SCAPER: variants seen among roughly 807,000 people sequenced by gnomAD.
SCAPER encodes the protein S-phase cyclin A associated protein in the ER, also known as S phase cyclin A-associated protein in the endoplasmic reticulum.
SCAPER carries 98 observed loss-of-function variants against 182.2 expected under a neutral mutation model. That is an observed-to-expected ratio of 0.54 (90% CI 0.46 to 0.64). The LOEUF is 0.64. Ranked by LOEUF, SCAPER falls within the 30% of genes least tolerant of loss-of-function variation. The pLI, the probability that SCAPER is intolerant of heterozygous loss-of-function variation, is 0.00. For missense variants in SCAPER, 1,432 were observed against 1,690.0 expected (o/e 0.85, Z 2.68); for synonymous variants, 605 against 564.6 (o/e 1.07, Z -1.01).
Position 76,706,289 on chromosome 15 carries a change from C to T in SCAPER, c.2166-305G>A, listed in dbSNP as rs555199097. On this transcript the variant is annotated intron_variant, in intron 17 of 31. Coordinates refer to ENST00000563290, the MANE Select transcript of SCAPER (RefSeq NM_020843.4). ...TTATCTCTATTCCCTTCCAAAAACT[C>T]AATTAAACCATTAAAAGGAATAGAA... is the stretch of plus-strand genomic sequence containing the variant. 1.4e-4 allele frequency among the ~76,000 whole-genome samples: 21 copies of T among 151,998 alleles called. No individual in the cohort carries two copies. In the South Asian group the frequency reaches 4.2e-3, roughly 30 times the overall value.
chr15:76,354,974 T>C lies in SCAPER; in HGVS notation c.3856-834A>G, dbSNP rs746475801. Among the ~76,000 whole-genome samples, 2 of 152,168 alleles carry C rather than the reference T, an allele frequency of 1.3e-5. No homozygotes were observed. Among genetic ancestry groups the C allele is most frequent in the African/African-American group, 2.4e-5 (1 of 41,434 alleles). Reference sequence around the variant, plus strand: ...GCTGGGTGACCCAAAGCCCACTTCGTGGTATAGGAGGAAGCTCCTAGATGG... The same window carrying C: ...GCTGGGTGACCCAAAGCCCACTTCGCGGTATAGGAGGAAGCTCCTAGATGG... On this transcript the variant is annotated intron_variant, in intron 29 of 31. Coordinates refer to ENST00000563290, the MANE Select transcript of SCAPER (RefSeq NM_020843.4). This position sits in a 1 kb window ranked among gnomAD's most constrained non-coding sequence, Gnocchi z 4.4.
intron 23 of SCAPER, among the ~76,000 whole-genome samples, chr15:76,539,294 C>T (rs780214721): frequency 5.9e-5 from 9 of 152,048 alleles, no homozygotes; most frequent in Admixed American, 1.3e-4. Flanking sequence ...ATTATAGGTA[C>T]GTTTTGTGCA....
chr15:76,765,253 G>A (rs1453453705), intron 13 of SCAPER, 84 bp downstream of exon 13: 1 of 1,149,048 alleles, frequency 8.7e-7, no homozygotes, highest in Non-Finnish European at 1.2e-6. Context: ...GTCCAAAAAT[G>A]CCACGTAGCA....
chr15:76,671,097 T>C (rs563394250), intron 20 of SCAPER, among the ~76,000 whole-genome samples: 15 of 151,876 alleles, frequency 9.9e-5, no homozygotes, highest in African/African-American at 3.6e-4. Flanking sequence ...TCCCAGCACT[T>C]TGGGAGGCAG....
chr15:76,697,446 A>G (rs1370889843), intron 20 of SCAPER, among the ~76,000 whole-genome samples: 1 of 152,236 alleles, frequency 6.6e-6, no homozygotes, highest in African/African-American at 2.4e-5. Flanking sequence ...CTATGGCTAC[A>G]AAAATTAGAT....
chr15:76,756,448 T>C (rs1166594180), intron 14 of SCAPER, among the ~76,000 whole-genome samples: 7 of 152,038 alleles, frequency 4.6e-5, no homozygotes, highest in Non-Finnish European at 7.4e-5. Context: ...CAAGATGGCA[T>C]GTGCCTGTAA....
At chr15:76,515,666 G>T (rs2042362208) in intron 23 of SCAPER, among the ~76,000 whole-genome samples, 1 of 152,048 alleles carries the variant, frequency 6.6e-6, no homozygotes, top group Non-Finnish European at 1.5e-5. Flanking sequence ...CTTCTTTACT[G>T]ATTTTTCTAT....
chr15:76,628,119 C>A (rs1053365041), intron 21 of SCAPER, among the ~76,000 whole-genome samples: 2 of 152,074 alleles, frequency 1.3e-5, no homozygotes, highest in African/African-American at 4.8e-5. Flanking sequence ...TGTCCTTGGC[C>A]CACTTTTTAA....
intron 27 of SCAPER, among the ~76,000 whole-genome samples, chr15:76,396,178 T>C (rs991155209): frequency 6.6e-6 from 1 of 152,214 alleles, no homozygotes; most frequent in African/African-American, 2.4e-5. Flanking sequence ...TTCTGCTCCA[T>C]TGGTCCATGT....
chr15:76,726,004 C>A (rs1481170282), intron 17 of SCAPER, among the ~76,000 whole-genome samples: 1 of 149,560 alleles, frequency 6.7e-6, no homozygotes, highest in Non-Finnish European at 1.5e-5. Flanking sequence ...AGAAATTGAA[C>A]TATGTCCAAA....
At chr15:76,705,001 A>C (rs1331312292) in intron 18 of SCAPER, among the ~76,000 whole-genome samples, 1 of 152,170 alleles carries the variant, frequency 6.6e-6, no homozygotes, top group African/African-American at 2.4e-5. Flanking sequence ...TTCCTCAGGG[A>C]TCTAGAACTA....
intron 26 of SCAPER, among the ~76,000 whole-genome samples, chr15:76,432,635 T>C (rs2046943600): frequency 6.6e-6 from 1 of 152,176 alleles, no homozygotes; most frequent in Non-Finnish European, 1.5e-5. Flanking sequence ...TGAAACTCTG[T>C]TGGGAAATAA....
intron 22 of SCAPER, among the ~76,000 whole-genome samples, chr15:76,577,845 T>A (rs1468867346): frequency 2.0e-5 from 3 of 151,468 alleles, no homozygotes; most frequent in Non-Finnish European, 2.9e-5. Flanking sequence ...GGGAACTTTG[T>A]TTTGCAGCTT....
intron 23 of SCAPER, among the ~76,000 whole-genome samples, chr15:76,541,789 C>T (rs2044771609): frequency 6.6e-6 from 1 of 152,178 alleles, no homozygotes; most frequent in East Asian, 1.9e-4. Flanking sequence ...TTTATCTTCC[C>T]ATGGCCCTTT....
intron 5 of SCAPER, among the ~76,000 whole-genome samples, chr15:76,809,627 G>A (rs1396968940): frequency 6.6e-6 from 1 of 152,162 alleles, no homozygotes; most frequent in Non-Finnish European, 1.5e-5. Flanking sequence ...GCATGAAGCA[G>A]AAGTAAATAT....
chr15:76,696,710 T>A (rs993617733), intron 20 of SCAPER, among the ~76,000 whole-genome samples: 1 of 152,160 alleles, frequency 6.6e-6, no homozygotes, highest in Non-Finnish European at 1.5e-5. Context: ...AGATATCAAG[T>A]ACTAAAAATA....
intron 22 of SCAPER, among the ~76,000 whole-genome samples, chr15:76,579,153 C>T (rs1439573716): frequency 6.7e-6 from 1 of 149,630 alleles, no homozygotes; most frequent in Non-Finnish European, 1.5e-5. Flanking sequence ...GTAATCCCAG[C>T]TACTCAGGAG....
At chr15:76,438,391 A>C (rs912382987) in intron 25 of SCAPER, among the ~76,000 whole-genome samples, 1 of 152,198 alleles carries the variant, frequency 6.6e-6, no homozygotes, top group African/African-American at 2.4e-5. Context: ...TTGGGGACCA[A>C]ATGTTACCTC....
chr15:76,663,546 T>C (rs1443647928), intron 21 of SCAPER, among the ~76,000 whole-genome samples: 3 of 151,468 alleles, frequency 2.0e-5, no homozygotes, highest in Non-Finnish European at 4.4e-5. Context: ...AGAAATTACA[T>C]ATACACATCA....
Sources: gnomAD v4.1 joint callset for allele counts (sites outside exome capture counted in the v4.1 genomes callset) on GRCh38, gnomAD v4.1.1 for gene constraint, Gnocchi (gnomAD v3.1) non-coding constraint, MANE v1.5 for transcripts, NCBI Gene and HGNC (gene_info 2026-07-23, HGNC 2026-07-21) for gene names.